Variants in CEP83 observed in about 807,000 individuals in gnomAD.
CEP83 encodes centrosomal protein of 83 kDa.
In CEP83, 70 loss-of-function variants were observed where a neutral mutation model predicts 101.9. The observed-to-expected ratio is 0.69, with a 90% confidence interval of 0.57 to 0.84. The LOEUF (loss-of-function observed/expected upper bound fraction) is 0.84, where lower values mean the gene tolerates loss of function less well. Ranked by LOEUF, CEP83 falls within the 40% of genes least tolerant of loss-of-function variation. CEP83 has a pLI of 0.00. For missense variants in CEP83, 715 were observed against 787.2 expected (o/e 0.91, Z 1.10); for synonymous variants, 264 against 267.9 (o/e 0.99, Z 0.14).
chr12:94,393,764 AC>A (rs1230118366), intron 6 of CEP83, among the ~76,000 whole-genome samples: 1 of 152,234 alleles, frequency 6.6e-6, no homozygotes, highest in Non-Finnish European at 1.5e-5. Flanking sequence ...CTGATAAGCA[AC>A]TTCAGCAAAG....
chr12:94,354,922 A>G (rs1292552063), intron 11 of CEP83, among the ~76,000 whole-genome samples: 1 of 152,304 alleles, frequency 6.6e-6, no homozygotes, highest in East Asian at 1.9e-4. Context: ...GAACTGCTTG[A>G]ATCTGGGAGG....
the CEP83 span, among the ~76,000 whole-genome samples, chr12:94,294,280 C>T: frequency 6.6e-6 from 1 of 152,254 alleles, no homozygotes; most frequent in Admixed American, 6.5e-5. Flanking sequence ...TCCACAGGAC[C>T]ATGAGCCCCT....
At chr12:94,360,711 A>G (rs2060710428) in intron 11 of CEP83, among the ~76,000 whole-genome samples, 1 of 152,130 alleles carries the variant, frequency 6.6e-6, no homozygotes, top group Admixed American at 6.5e-5. Context: ...AATTTCTACC[A>G]TATTACCAAT....
intron 1 of CEP83, among the ~76,000 whole-genome samples, chr12:94,439,564 A>G (rs1041615850): frequency 1.3e-5 from 2 of 152,054 alleles, no homozygotes; most frequent in African/African-American, 4.8e-5. Flanking sequence ...AACAAAAAAA[A>G]AAAAAGTCCA....
At chr12:94,369,410 C>G (rs527767728) in intron 9 of CEP83, 4 of 152,212 alleles carry the variant, frequency 2.6e-5, no homozygotes, top group Non-Finnish European at 5.9e-5. Flanking sequence ...GCCGAGATCA[C>G]GCCACTGCAC....
At chr12:94,274,368 T>G in the CEP83 span, among the ~76,000 whole-genome samples, 1 of 152,108 alleles carries the variant, frequency 6.6e-6, no homozygotes, top group Non-Finnish European at 1.5e-5. Flanking sequence ...TGGTTTTATG[T>G]GTTGGCCAGA....
chr12:94,302,384 C>T (rs189295092), downstream of CEP83, among the ~76,000 whole-genome samples: 745 of 148,592 alleles, frequency 5.0e-3, 7 homozygotes, highest in African/African-American at 0.018. Flanking sequence ...TTTATTCATT[C>T]GACAAATATG....
chr12:94,438,155 G>A (rs2138320632), intron 1 of CEP83, among the ~76,000 whole-genome samples: 1 of 151,938 alleles, frequency 6.6e-6, no homozygotes, highest in Middle Eastern at 3.4e-3. Flanking sequence ...GGGAGCAGAG[G>A]TTGCAGTGAG....
chr12:94,283,180 G>A, the CEP83 span, among the ~76,000 whole-genome samples: 1 of 152,184 alleles, frequency 6.6e-6, no homozygotes, highest in Admixed American at 6.5e-5. Flanking sequence ...GACAAGTAGA[G>A]TCAACACCTT....
At chr12:94,311,472 G>C (rs796229862) in intron 15 of CEP83, among the ~76,000 whole-genome samples, 17 of 152,104 alleles carry the variant, frequency 1.1e-4, no homozygotes, top group Non-Finnish European at 8.8e-5. Context: ...TTCTGAAGTG[G>C]GGGGCAGTCT....
intron 4 of CEP83, among the ~76,000 whole-genome samples, chr12:94,405,926 C>T (rs1228610240): frequency 6.6e-6 from 1 of 152,138 alleles, no homozygotes; most frequent in African/African-American, 2.4e-5. Context: ...TACTGATTAA[C>T]ACATGTGTGC....
At chr12:94,297,401 T>C in the CEP83 span, 1 of 1,613,220 alleles carries the variant, frequency 6.2e-7, no homozygotes, top group Non-Finnish European at 8.5e-7. Context: ...GAAATGTATC[T>C]GACAAAGCTG....
At chr12:94,281,061 C>G in the CEP83 span, among the ~76,000 whole-genome samples, 3 of 152,178 alleles carry the variant, frequency 2.0e-5, no homozygotes, top group Non-Finnish European at 4.4e-5. Context: ...GGTGGATCAC[C>G]TGAAGTCAGG....
chr12:94,448,413 C>T lies in CEP83; in HGVS notation c.-155+11144G>A, dbSNP rs2066967065. Among the ~76,000 whole-genome samples the T allele has an allele frequency of 2.0e-5, 3 of 152,164 alleles. No homozygotes were observed. In the South Asian group the frequency reaches 6.2e-4, roughly 31 times the overall value. On this transcript the variant is annotated intron_variant, in intron 1 of 16. Coordinates refer to ENST00000397809, the MANE Select transcript of CEP83 (RefSeq NM_016122.3). ...AGAAAATCTGCAAGGATATAGAAGT[C>T]TTGACTAACCTCATCAATAAACTTG...
At chr12:94,358,099 G>C (rs966663581) in intron 11 of CEP83, among the ~76,000 whole-genome samples, 3 of 152,156 alleles carry the variant, frequency 2.0e-5, no homozygotes, top group African/African-American at 4.8e-5. Context: ...AATTCAACCT[G>C]CTCAATTTAA....
At chr12:94,279,730 C>T in the CEP83 span, 1 of 1,205,120 alleles carries the variant, frequency 8.3e-7, no homozygotes, top group Non-Finnish European at 1.2e-6. Flanking sequence ...GTCCCCCCTC[C>T]CTGCCCCCAC....
intron 14 of CEP83, among the ~76,000 whole-genome samples, chr12:94,316,506 T>C (rs1305777848): frequency 1.1e-5 from 1 of 93,026 alleles, no homozygotes; most frequent in African/African-American, 3.9e-5. Flanking sequence ...TATAGGTAAA[T>C]AGATTATTTC....
the CEP83 span, chr12:94,298,549 T>C: frequency 4.5e-6 from 5 of 1,107,908 alleles, no homozygotes; most frequent in African/African-American, 4.7e-5. Context: ...TTTCTCTGAA[T>C]GTGGATTTGC....
At chr12:94,360,882 C>T (rs1261386922) in intron 11 of CEP83, among the ~76,000 whole-genome samples, 2 of 152,056 alleles carry the variant, frequency 1.3e-5, no homozygotes, top group African/African-American at 4.8e-5. Flanking sequence ...AACCAAAACA[C>T]CATAGTACTG....
Sources: gnomAD v4.1 joint callset for allele counts (sites outside exome capture counted in the v4.1 genomes callset) on GRCh38, gnomAD v4.1.1 for gene constraint, MANE v1.5 for transcripts, NCBI Gene and HGNC (gene_info 2026-07-23, HGNC 2026-07-21) for gene names.